Variants in CRMP1 observed in about 807,000 individuals in gnomAD.
The protein encoded by CRMP1 is dihydropyrimidinase-related protein 1.
CRMP1 carries 19 observed loss-of-function variants against 68.3 expected under a neutral mutation model. That is an observed-to-expected ratio of 0.28 (90% CI 0.19 to 0.41). The LOEUF (loss-of-function observed/expected upper bound fraction) is 0.41. Among genes scored for constraint, CRMP1 ranks in the 10% least tolerant of loss-of-function variants. The pLI is 1.00. For synonymous variants in CRMP1, 439 were observed against 399.6 expected, an observed-to-expected ratio of 1.10 and a Z score of -1.18; for missense variants, 791 against 967.4, an observed-to-expected ratio of 0.82 and a Z score of 2.42.
chr4:5,843,609 C>G lies in CRMP1; in HGVS notation c.964-448G>C, dbSNP rs1394089919. On this transcript the variant is annotated intron_variant, in intron 6 of 13. Coordinates refer to ENST00000324989, the MANE Select transcript of CRMP1 (RefSeq NM_001014809.3). The surrounding 1 kb of genome is among the most constrained non-coding windows in gnomAD (Gnocchi z 4.1). ...CGAAACTGGGAGTCCAGATCCAGAACAGCCGTCTCTGTGACTTTGGGCAGG... is the reference window on the plus strand; with the variant it reads ...CGAAACTGGGAGTCCAGATCCAGAAGAGCCGTCTCTGTGACTTTGGGCAGG... 6.6e-6 allele frequency among the ~76,000 whole-genome samples: 1 copy of G among 152,184 alleles called. No homozygotes were observed. Among genetic ancestry groups the G allele is most frequent in the Non-Finnish European group, 1.5e-5 (1 of 68,032 alleles).
At position 5,854,399 on chromosome 4, in the gene CRMP1, G is replaced by GTTTTT. The variant is rs35551598; in HGVS notation, c.820+1739_820+1743dup. ...GGCGTACACCACCACTCCTGGCTATGTTTTTTTTTTTTTTTTTTTTTTTTT... is the reference window on the plus strand; with the variant it reads ...GGCGTACACCACCACTCCTGGCTATGTTTTTTTTTTTTTTTTTTTTTTTTTTTTTT... On this transcript the variant is annotated intron_variant, in intron 4 of 13. Coordinates refer to ENST00000324989, the MANE Select transcript of CRMP1 (RefSeq NM_001014809.3). This position sits in a 1 kb window ranked among gnomAD's most constrained non-coding sequence, Gnocchi z 4.0. 6.1e-3 allele frequency among the ~76,000 whole-genome samples: 429 copies of GTTTTT among 70,850 alleles called. 9 individuals are homozygous for GTTTTT. The highest frequency in any genetic ancestry group is 0.025 in the African/African-American group (412 of 16,524). 46.5% of individuals were successfully genotyped at this position (70,850 alleles called of 152,430 possible).
chr4:5,883,075 A>G lies in CRMP1; in HGVS notation c.381+9514T>C, dbSNP rs1215130606. On this transcript the variant is annotated intron_variant, in intron 1 of 13. Transcript: ENST00000324989. The surrounding 1 kb of genome is among the most constrained non-coding windows in gnomAD (Gnocchi z 4.5). ...GTGTGAAATATTCCACCCACCTTGC[A>G]TGCCCTTCCCTTCCCTCAACCAATC... Among the ~76,000 whole-genome samples, 1 of 151,896 alleles carries G rather than the reference A, an allele frequency of 6.6e-6. No homozygotes were observed. Among genetic ancestry groups the G allele is most frequent in the Non-Finnish European group, 1.5e-5 (1 of 67,984 alleles).
At position 5,841,577 on chromosome 4, in the gene CRMP1, C is replaced by A. The variant is rs551534150; in HGVS notation, c.1033-149G>T. On this transcript the variant is annotated intron_variant, in intron 7 of 13. Transcript: ENST00000324989. This position sits in a 1 kb window ranked among gnomAD's most constrained non-coding sequence, Gnocchi z 6.9. ...CTGAGTCCAACAGCGCTTGACAGTG[C>A]CCCCTGCTCTCCGGGGTGGAGCATT... 7.2e-6 allele frequency: 9 copies of A among 1,241,448 alleles called. 1 individual carries two copies. In the African/African-American group the frequency reaches 9.1e-5, roughly 13 times the overall value. 76.9% of individuals were successfully genotyped at this position (1,241,448 alleles called of 1,614,324 possible).
intron 6 of CRMP1, among the ~76,000 whole-genome samples, chr4:5,848,196 G>C (rs1175104070): frequency 6.6e-6 from 1 of 151,096 alleles, no homozygotes; most frequent in Admixed American, 6.6e-5. Flanking sequence ...CCAGGCTGGA[G>C]TGCAGTGGCG....
intron 1 of CRMP1, among the ~76,000 whole-genome samples, chr4:5,873,797 G>C (rs1451619126): frequency 1.8e-4 from 27 of 152,142 alleles, no homozygotes; most frequent in Non-Finnish European, 1.2e-4. Flanking sequence ...TCTGTAAGTG[G>C]TCTTCTTTGG....
At position 5,856,140 on chromosome 4, in the gene CRMP1, G is replaced by A; in HGVS notation, c.820+3C>T. 6.2e-7 allele frequency: 1 copy of A among 1,613,674 alleles called. No individual in the cohort carries two copies. The highest frequency in any genetic ancestry group is 2.2e-5 in the East Asian group (1 of 44,860). ...AAAACCCCGTTCCGAGGCTTTAACT[G>A]ACCTTTGTCCTGCACCAGCACCTCC... On this transcript the variant is annotated splice_donor_region_variant and intron_variant, in intron 4 of 13. Coordinates refer to ENST00000324989, the MANE Select transcript of CRMP1 (RefSeq NM_001014809.3).
At position 5,843,052 on chromosome 4, in the gene CRMP1, T is replaced by C; in HGVS notation, c.1032+41A>G. 6.3e-7 allele frequency: 1 copy of C among 1,589,730 alleles called. No individual in the cohort carries two copies. The highest frequency in any genetic ancestry group is 8.6e-7 in the Non-Finnish European group (1 of 1,158,740). On this transcript the variant is annotated intron_variant, in intron 7 of 13. Transcript: ENST00000324989. The surrounding 1 kb of genome is among the most constrained non-coding windows in gnomAD (Gnocchi z 4.1). Reference sequence around the variant, plus strand: ...GAACAGCATCAAGGTGAGTGCTCAGTGGTGAGTGTCAGAGTCATGCCCAAG... The same window carrying C: ...GAACAGCATCAAGGTGAGTGCTCAGCGGTGAGTGTCAGAGTCATGCCCAAG...
chr4:5,837,736 AG>A lies in CRMP1; in HGVS notation c.1311-831del, dbSNP rs1267714989. 2.0e-5 allele frequency among the ~76,000 whole-genome samples: 3 copies of A among 152,204 alleles called. No individual in the cohort carries two copies. The East Asian group carries it at 5.8e-4, about 29-fold the overall frequency. On this transcript the variant is annotated intron_variant, in intron 9 of 13. Transcript: ENST00000324989. ...ACCATTATTAGTGGTTCTAAATGCA[AG>A]GTGAGGAAGGTGAGGCTGTCCTCCA...
At position 5,849,874 on chromosome 4, in the gene CRMP1, T is replaced by G. The variant is rs547862413; in HGVS notation, c.883-402A>C. The stretch of plus-strand genomic sequence containing the variant: ...ACAGAAATTATCTAACTAAATCTGC[T>G]AAGCCTGTACCATAGCCACCTACAT... On this transcript the variant is annotated intron_variant, in intron 5 of 13. Coordinates refer to ENST00000324989, the MANE Select transcript of CRMP1 (RefSeq NM_001014809.3). 4.6e-5 allele frequency among the ~76,000 whole-genome samples: 7 copies of G among 152,354 alleles called. No individual in the cohort carries two copies. In the South Asian group the frequency reaches 1.4e-3, roughly 32 times the overall value.
rs1272473241 is a variant in CRMP1, at chr4:5,866,707, G to T, written c.431C>A (p.Ser144Tyr). 6.2e-7 allele frequency: 1 copy of T among 1,613,150 alleles called. No individual in the cohort carries two copies. Among genetic ancestry groups the T allele is most frequent in the South Asian group, 1.1e-5 (1 of 90,986 alleles). ...KGGRIINDDQ[S>Y]LYADVYLEDG... ...CTCCAGGTAGACGTCAGCATAAAGGGATTGGTCATCGTTGATGATCCGTCC... is the reference window on the plus strand; with the variant it reads ...CTCCAGGTAGACGTCAGCATAAAGGTATTGGTCATCGTTGATGATCCGTCC... The change falls in exon 2 of 14, where the codon TCC (serine) becomes TAC (tyrosine). Residue 144 changes from serine (S) to tyrosine (Y), a missense_variant. Physicochemically the swap from Ser to Tyr is moderately radical, Grantham distance 144 (BLOSUM62 -2). This residue lies in a region of CRMP1 where 594 missense variants were observed against 763.6 expected (regional missense o/e 0.78). Transcript: ENST00000324989. This position sits in a 1 kb window ranked among gnomAD's most constrained non-coding sequence, Gnocchi z 5.9.
In CRMP1 at chr4:5,892,777, G is replaced by A. The variant is rs897365235; in HGVS notation, c.193C>T (p.Arg65Cys). ...VGRRGSARTP[R>C]SAGRPDAVGL... ...ACCGCGTCGGGCCGGCCAGCGCTGC[G>A]CGGCGTGCGCGCCGAGCCGCGGCGG... The change falls in exon 1 of 14, where the codon CGC (arginine) becomes TGC (cysteine). Residue 65 changes from arginine (R) to cysteine (C), a missense_variant. Physicochemically the swap from Arg to Cys is radical, Grantham distance 180 (BLOSUM62 -3). This residue lies in a region of CRMP1 where 193 missense variants were observed against 186.3 expected (regional missense o/e 1.04). Coordinates refer to ENST00000324989, the MANE Select transcript of CRMP1 (RefSeq NM_001014809.3). This position sits in a 1 kb window ranked among gnomAD's most constrained non-coding sequence, Gnocchi z 8.6. The A allele has an allele frequency of 3.1e-6, 4 of 1,288,642 alleles. No individual in the cohort carries two copies. The African/African-American group carries it at 4.7e-5, about 15-fold the overall frequency. The allele number at this position is 1,288,642 out of a possible 1,614,324, so 79.8% of individuals were successfully genotyped here.
rs33952240 is a variant in CRMP1 at position 5,884,984 on chromosome 4, TA to T, written c.381+7604del. ...GTTAATCCCCAAGTGTGCCATTCATTAAAAAAAAAAAAAAAGACACGCATGA... is the reference window on the plus strand; with the variant it reads ...GTTAATCCCCAAGTGTGCCATTCATTAAAAAAAAAAAAAAGACACGCATGA... On this transcript the variant is annotated intron_variant, in intron 1 of 13. Transcript: ENST00000324989. Among the ~76,000 whole-genome samples, 597 of 140,680 alleles carry T rather than the reference TA, an allele frequency of 4.2e-3. 2 individuals carry two copies. Among genetic ancestry groups the T allele is most frequent in the African/African-American group, 8.7e-3 (329 of 37,642 alleles). 92.3% of individuals were successfully genotyped at this position (140,680 alleles called of 152,430 possible).
chr4:5,864,340 G>A (rs868271301), intron 2 of CRMP1, among the ~76,000 whole-genome samples: 2 of 152,060 alleles, frequency 1.3e-5, no homozygotes, highest in East Asian at 1.9e-4. Context: ...CCACACAAAG[G>A]GGTGTTCCCT....
rs1715115314 is a variant in CRMP1 at position 5,879,879 on chromosome 4, A to G, written c.381+12710T>C. Among the ~76,000 whole-genome samples, 1 of 152,118 alleles carries G rather than the reference A, an allele frequency of 6.6e-6. No individual in the cohort carries two copies. The highest frequency in any genetic ancestry group is 2.4e-5 in the African/African-American group (1 of 41,410). ...GCAAAAAAAAAAATGAGACGAAAGG[A>G]AAGGAAAATGAAAGAAAGTAAAGGA... On this transcript the variant is annotated intron_variant, in intron 1 of 13. Coordinates refer to ENST00000324989, the MANE Select transcript of CRMP1 (RefSeq NM_001014809.3). This position sits in a 1 kb window ranked among gnomAD's most constrained non-coding sequence, Gnocchi z 4.2.
At chr4:5,873,897 G>A (rs1714632910) in intron 1 of CRMP1, among the ~76,000 whole-genome samples, 1 of 152,152 alleles carries the variant, frequency 6.6e-6, no homozygotes, top group South Asian at 2.1e-4. Context: ...GGGGAGTCTG[G>A]GCTCTGTGGT....
intron 4 of CRMP1, among the ~76,000 whole-genome samples, chr4:5,852,540 A>G (rs1163506394): frequency 1.3e-5 from 2 of 152,162 alleles, no homozygotes; most frequent in Non-Finnish European, 2.9e-5. Context: ...TCATGTTACA[A>G]ACACTTACTG....
In CRMP1 at chr4:5,859,276, T is replaced by C. The variant is rs1440010830; in HGVS notation, c.655+1750A>G. 6.6e-6 allele frequency among the ~76,000 whole-genome samples: 1 copy of C among 152,178 alleles called. No individual in the cohort carries two copies. Among genetic ancestry groups the C allele is most frequent in the Non-Finnish European group, 1.5e-5 (1 of 68,026 alleles). ...TGTCCTCGTGTGCTTTCATAGGCTC[T>C]TGTTCCATGAAACACACTTTGGAAA... On this transcript the variant is annotated intron_variant, in intron 3 of 13. Coordinates refer to ENST00000324989, the MANE Select transcript of CRMP1 (RefSeq NM_001014809.3). The surrounding 1 kb of genome is among the most constrained non-coding windows in gnomAD (Gnocchi z 5.2).
intron 11 of CRMP1, 30 bp downstream of exon 11, chr4:5,835,885 T>C (rs766979454): frequency 2.1e-6 from 3 of 1,411,400 alleles, no homozygotes; most frequent in Non-Finnish European, 2.8e-6. Context: ...GAATCACTTA[T>C]CTCAGCAGCA....
chr4:5,864,583 C>T (rs538069188), intron 2 of CRMP1, among the ~76,000 whole-genome samples: 7 of 152,034 alleles, frequency 4.6e-5, no homozygotes, highest in African/African-American at 1.5e-4. Context: ...CGGGGGGCCA[C>T]GAGGCAAGGC....
Sources: gnomAD v4.1 joint callset for allele counts (sites outside exome capture counted in the v4.1 genomes callset) on GRCh38, gnomAD v4.1.1 for gene constraint, gnomAD v4.1.1 regional missense constraint, Gnocchi (gnomAD v3.1) non-coding constraint, MANE v1.5 for transcripts, NCBI Gene and HGNC (gene_info 2026-07-23, HGNC 2026-07-21) for gene names.